XPO4: variants seen among roughly 807,000 people sequenced by gnomAD.
XPO4 encodes exportin 4.
In XPO4, 39 loss-of-function variants were observed where a neutral mutation model predicts 143.0. The ratio of observed to expected loss-of-function variants is 0.27; its 90% CI spans 0.21 to 0.36. The LOEUF is 0.36. XPO4 is among the 10% of genes least tolerant of loss of function. The pLI is 1.00. For synonymous variants in XPO4, 439 were observed against 474.0 expected (o/e 0.93, Z 0.96); for missense variants, 907 against 1,348.0 (o/e 0.67, Z 5.12).
intron 4 of XPO4, chr13:20,848,381 C>T: frequency 1.0e-6 from 1 of 985,376 alleles, no homozygotes; most frequent in South Asian, 4.7e-5. Context: ...CTTCATGTAC[C>T]TTGACCTCAG....
At chr13:20,818,922 G>A (rs1413219097) in intron 9 of XPO4, among the ~76,000 whole-genome samples, 1 of 151,884 alleles carries the variant, frequency 6.6e-6, no homozygotes, top group Non-Finnish European at 1.5e-5. Context: ...TCGGGTTCAA[G>A]AGATCCTCCT....
intron 1 of XPO4, among the ~76,000 whole-genome samples, chr13:20,873,069 T>C (rs1358769598): frequency 7.0e-6 from 1 of 142,562 alleles, no homozygotes; most frequent in Non-Finnish European, 1.5e-5. Context: ...TAGGAGGTGG[T>C]AGTAGAGACC....
chr13:20,787,624 C>G, intron 20 of XPO4, 26 bp from the exon 21 acceptor site: 2 of 1,586,774 alleles, frequency 1.3e-6, no homozygotes, highest in South Asian at 1.1e-5. Flanking sequence ...AAAGAACAAA[C>G]TAGATTGGAT....
At position 20,787,055 on chromosome 13, in the gene XPO4, C is replaced by A; in HGVS notation, c.3168G>T (p.Leu1056=). The A allele has an allele frequency of 6.4e-7, 1 of 1,560,768 alleles. No homozygotes were observed. Among genetic ancestry groups the A allele is most frequent in the Non-Finnish European group, 8.7e-7 (1 of 1,150,434 alleles). Residue 1056 remains leucine, a splice_region_variant and synonymous_variant, in exon 22 of 23, where the codon CTG becomes CTT. Transcript: ENST00000255305. Reference sequence around the variant, plus strand: ...TTTGCAAAACCAGCATATCAAAAACCAGCTGAAATTACATAAGACTTCTAA... The same window carrying A: ...TTTGCAAAACCAGCATATCAAAAACAAGCTGAAATTACATAAGACTTCTAA... ...LFLATRHFLK[L]VFDMLVLQKH...
At chr13:20,850,054 T>C in intron 4 of XPO4, 1 of 914,038 alleles carries the variant, frequency 1.1e-6, no homozygotes, top group Non-Finnish European at 1.3e-6. Flanking sequence ...TGTAGTGAGC[T>C]GAGTTCATGC....
At chr13:20,900,153 G>C (rs2060606369) in intron 1 of XPO4, among the ~76,000 whole-genome samples, 1 of 152,174 alleles carries the variant, frequency 6.6e-6, no homozygotes, top group Non-Finnish European at 1.5e-5. Flanking sequence ...TTGGGAGGCC[G>C]AGGCAGGTGG....
intron 17 of XPO4, among the ~76,000 whole-genome samples, chr13:20,796,460 G>A (rs903664345): frequency 2.0e-5 from 3 of 150,624 alleles, no homozygotes; most frequent in African/African-American, 7.3e-5. Context: ...CAAAATTTTA[G>A]GACAAGAATT....
At chr13:20,853,713 G>A (rs1049107305) in intron 4 of XPO4, among the ~76,000 whole-genome samples, 1 of 152,154 alleles carries the variant, frequency 6.6e-6, no homozygotes, top group Admixed American at 6.6e-5. Context: ...TCTTTAGAAT[G>A]ACACTATCCA....
rs190285971 is a variant in XPO4, at chr13:20,867,466, C to T, written c.175+1130G>A. ...GAAAAGTAATTACATTTTCACCTCA[C>T]GAAACAATTTAAGATAGCAAATCCA... On this transcript the variant is annotated intron_variant, in intron 2 of 22. Transcript: ENST00000255305. Among the ~76,000 whole-genome samples the T allele has an allele frequency of 7.9e-5, 12 of 152,254 alleles. No homozygotes were observed. The East Asian group carries it at 2.1e-3, about 27-fold the overall frequency.
intron 4 of XPO4, chr13:20,851,344 C>G: frequency 1.0e-6 from 1 of 985,112 alleles, no homozygotes; most frequent in Non-Finnish European, 1.2e-6. Context: ...ATCCTGCAAT[C>G]CTGAAATTAA....
intron 1 of XPO4, among the ~76,000 whole-genome samples, chr13:20,876,161 C>T (rs938982425): frequency 2.0e-5 from 3 of 147,726 alleles, no homozygotes; most frequent in Non-Finnish European, 4.4e-5. Context: ...ACTTGGGAGG[C>T]TGAGACAGGA....
chr13:20,830,237 T>C (rs771993873), intron 6 of XPO4, among the ~76,000 whole-genome samples: 58 of 152,182 alleles, frequency 3.8e-4, no homozygotes, highest in Non-Finnish European at 7.3e-4. Flanking sequence ...GCCACGAGCA[T>C]GGGAGATTTA....
intron 16 of XPO4, 31 bp from the exon 17 acceptor site, chr13:20,797,088 G>A: frequency 6.5e-7 from 1 of 1,536,414 alleles, no homozygotes; most frequent in South Asian, 1.3e-5. Context: ...TTTTCTTAAA[G>A]CTCAGTTCTC....
intron 15 of XPO4, among the ~76,000 whole-genome samples, chr13:20,799,900 G>A (rs565766793): frequency 4.6e-5 from 7 of 152,178 alleles, no homozygotes; most frequent in Non-Finnish European, 8.8e-5. Flanking sequence ...AATTACTAAT[G>A]TGTTACTCAT....
At position 20,790,519 on chromosome 13, in the gene XPO4, A is replaced by C; in HGVS notation, c.2859T>G (p.Asp953Glu). 1 of 1,614,158 alleles carries C rather than the reference A, an allele frequency of 6.2e-7. No homozygotes were observed. The highest frequency in any genetic ancestry group is 1.1e-5 in the South Asian group (1 of 91,080). Reference sequence around the variant, plus strand: ...TTAGGTTTACTCCATACAACACAACATCCGCTGCTGACACAGATCTGTTTG... The same window carrying C: ...TTAGGTTTACTCCATACAACACAACCTCCGCTGCTGACACAGATCTGTTTG... Reference protein sequence around the residue: ...QAANRSVSAADVVLYGVNLIL... With the variant: ...QAANRSVSAAEVVLYGVNLIL... Residue 953 changes from aspartate (D) to glutamate (E), a missense_variant, in exon 19 of 23, where the codon GAT (aspartate) becomes GAG (glutamate). Coordinates refer to ENST00000255305, the MANE Select transcript of XPO4 (RefSeq NM_022459.5).
intron 18 of XPO4, among the ~76,000 whole-genome samples, chr13:20,793,091 A>G (rs1020201110): frequency 1.3e-5 from 2 of 152,188 alleles, no homozygotes; most frequent in Admixed American, 1.3e-4. Context: ...CACCCGGCGC[A>G]GTTATGCTTT....
At position 20,808,774 on chromosome 13, in the gene XPO4, C is replaced by T. The variant is rs1168463537; in HGVS notation, c.1494-193G>A. Among the ~76,000 whole-genome samples, 8 of 152,144 alleles carry T rather than the reference C, an allele frequency of 5.3e-5. No homozygotes were observed. The East Asian group carries it at 1.5e-3, about 29-fold the overall frequency. On this transcript the variant is annotated intron_variant, in intron 11 of 22. Transcript: ENST00000255305. ...TATTTTTTATAACATAGAATTAAAA[C>T]ACTGCTTTACAAACAATCAAGGTTT... is the stretch of plus-strand genomic sequence containing the variant.
chr13:20,888,577 A>C (rs2060482307), intron 1 of XPO4, among the ~76,000 whole-genome samples: 1 of 152,080 alleles, frequency 6.6e-6, no homozygotes, highest in Non-Finnish European at 1.5e-5. Context: ...CTCTAGTCTC[A>C]AACTCCTGGG....
rs189684797 is a variant in XPO4, at chr13:20,785,870, G to A, written c.3258+1095C>T. 1.0e-3 allele frequency among the ~76,000 whole-genome samples: 106 copies of A among 102,026 alleles called. 1 individual carries two copies. In the East Asian group the frequency reaches 0.023, roughly 22 times the overall value. 66.9% of individuals were successfully genotyped at this position (102,026 alleles called of 152,430 possible). A position where few individuals can be genotyped will look rare whatever the true frequency, so the allele number is the denominator to read the frequency against. ...GGTGGAAGGGAACGGGGGAGGAAAGGAGGGAGGGAGGGAGGGAGAAAGAAA... is the reference window on the plus strand; with the variant it reads ...GGTGGAAGGGAACGGGGGAGGAAAGAAGGGAGGGAGGGAGGGAGAAAGAAA... On this transcript the variant is annotated intron_variant, in intron 22 of 22. Transcript: ENST00000255305.
Sources: gnomAD v4.1 joint callset for allele counts (sites outside exome capture counted in the v4.1 genomes callset) on GRCh38, gnomAD v4.1.1 for gene constraint, MANE v1.5 for transcripts, NCBI Gene and HGNC (gene_info 2026-07-23, HGNC 2026-07-21) for gene names.